The following WNT5A variants were observed in gnomAD, a reference collection of about 807,000 sequenced individuals.
WNT5A encodes the protein protein Wnt-5a.
In WNT5A, 9 loss-of-function variants were observed where a neutral mutation model predicts 42.1. The observed-to-expected ratio is 0.21, with a 90% CI of 0.13 to 0.37. The LOEUF is 0.37. WNT5A is among the 10% of genes least tolerant of loss of function. The pLI, the probability that WNT5A is intolerant of heterozygous loss-of-function variation, is 1.00. For synonymous variants in WNT5A, 210 were observed against 210.0 expected, an observed-to-expected ratio of 1.00 and a Z score of 0.00; for missense variants, 426 against 534.0, an observed-to-expected ratio of 0.80 and a Z score of 1.99.
chr3:55,486,372 C>T (rs2051578646), intron 1 of WNT5A, among the ~76,000 whole-genome samples: 1 of 152,324 alleles, frequency 6.6e-6, no homozygotes, highest in Middle Eastern at 3.4e-3. Context: ...GCTGGCCCCC[C>T]GCCAGGCACT....
upstream of WNT5A, chr3:55,494,029 CT>C (rs2051689270): frequency 6.6e-6 from 1 of 152,170 alleles, no homozygotes; most frequent in African/African-American, 2.4e-5. Context: ...ATTGCGTATT[CT>C]ATGTGGCCCG....
In WNT5A at chr3:55,468,168, A is replaced by G. The variant is rs2051180421; in HGVS notation, c.*1924T>C. ...AAAAAAAAAAAAAAGCTATCTATGTAGTGGGCTGAATATTCCTTAGGGACT... is the reference window on the plus strand; with the variant it reads ...AAAAAAAAAAAAAAGCTATCTATGTGGTGGGCTGAATATTCCTTAGGGACT... On this transcript the variant is annotated 3_prime_UTR_variant, in exon 5 of 5. Coordinates refer to ENST00000264634, the MANE Select transcript of WNT5A (RefSeq NM_003392.7). 6.7e-6 allele frequency: 1 copy of G among 149,386 alleles called. No homozygotes were observed. The highest frequency in any genetic ancestry group is 2.4e-5 in the African/African-American group (1 of 40,990). The allele number at this position is 149,386 out of a possible 1,614,324, so 9.3% of individuals were successfully genotyped here.
chr3:55,475,235 G>A (rs1195446383), intron 3 of WNT5A, among the ~76,000 whole-genome samples: 1 of 152,186 alleles, frequency 6.6e-6, no homozygotes, highest in Non-Finnish European at 1.5e-5. Flanking sequence ...CAGAATATGG[G>A]TAGACTTCCT....
chr3:55,497,114 T>G, the WNT5A span, among the ~76,000 whole-genome samples: 5 of 152,256 alleles, frequency 3.3e-5, no homozygotes, highest in Non-Finnish European at 7.3e-5. Context: ...AGATAATTAC[T>G]GAGCACTTGC....
chr3:55,504,754 G>A, the WNT5A span, among the ~76,000 whole-genome samples: 1,984 of 152,320 alleles, frequency 0.013, 46 homozygotes, highest in African/African-American at 0.045. Flanking sequence ...GTAAGCCACT[G>A]TGCCCGGCCT....
In WNT5A at chr3:55,483,004, C is replaced by G. The variant is rs547295646; in HGVS notation, c.7-2086G>C. Reference sequence around the variant, plus strand: ...GATTGGTGCTGGCCGCGTGCACTTTCCAAGCTTCGCGGCGAGCGGGGCGCG... The same window carrying G: ...GATTGGTGCTGGCCGCGTGCACTTTGCAAGCTTCGCGGCGAGCGGGGCGCG... On this transcript the variant is annotated intron_variant, in intron 1 of 4. Transcript: ENST00000264634. The surrounding 1 kb of genome is among the most constrained non-coding windows in gnomAD (Gnocchi z 4.2). Among the ~76,000 whole-genome samples, 16 of 152,372 alleles carry G rather than the reference C, an allele frequency of 1.1e-4. No homozygotes were observed. In the South Asian group the frequency reaches 2.3e-3, roughly 22 times the overall value.
the WNT5A span, among the ~76,000 whole-genome samples, chr3:55,500,109 A>G: frequency 6.6e-6 from 1 of 152,190 alleles, no homozygotes; most frequent in Non-Finnish European, 1.5e-5. Context: ...TTGGGCAAAA[A>G]TTAGATAAAA....
chr3:55,482,344 G>A (rs2051483857), intron 1 of WNT5A, among the ~76,000 whole-genome samples: 1 of 152,228 alleles, frequency 6.6e-6, no homozygotes, highest in Non-Finnish European at 1.5e-5. Context: ...GGTGCGGGTG[G>A]GAGGAGCGGG....
the WNT5A span, among the ~76,000 whole-genome samples, chr3:55,496,547 A>G: frequency 6.6e-6 from 1 of 152,222 alleles, no homozygotes; most frequent in African/African-American, 2.4e-5. Flanking sequence ...GAGTATATAC[A>G]GGAACGCGAT....
intron 1 of WNT5A, among the ~76,000 whole-genome samples, chr3:55,481,572 C>T (rs1355520253): frequency 1.3e-5 from 2 of 152,090 alleles, no homozygotes; most frequent in Non-Finnish European, 2.9e-5. Flanking sequence ...GTTTCATAAT[C>T]AGTTTACGAG....
rs772896188 is a variant in WNT5A, at chr3:55,470,346, G to C, written c.889C>G (p.Gln297Glu). ...CTGGGGTCGATGTAGACCAGGTCTT[G>C]TGTGGTGGGCGAGTTGAAGCGGCTG... ...VNSRFNSPTT[Q>E]DLVYIDPSPD... The change falls in exon 5 of 5, where the codon CAA becomes GAA. Residue 297 changes from glutamine (Q) to glutamate (E), a missense_variant. This residue lies in a region of WNT5A where 358 missense variants were observed against 468.1 expected (regional missense o/e 0.76). Coordinates refer to ENST00000264634, the MANE Select transcript of WNT5A (RefSeq NM_003392.7). 23 of 1,614,066 alleles carry C rather than the reference G, an allele frequency of 1.4e-5. No homozygotes were observed. Among genetic ancestry groups the C allele is most frequent in the Non-Finnish European group, 1.6e-5 (19 of 1,179,908 alleles).
the WNT5A span, among the ~76,000 whole-genome samples, chr3:55,497,931 G>A: frequency 0.4 from 61,055 of 151,936 alleles, 12,779 homozygotes; most frequent in Middle Eastern, 0.47. Context: ...AGCAGTGAGA[G>A]AGAATTACAT....
chr3:55,500,195 C>T, the WNT5A span, among the ~76,000 whole-genome samples: 1 of 152,094 alleles, frequency 6.6e-6, no homozygotes, highest in East Asian at 1.9e-4. Flanking sequence ...AATGTCAGCT[C>T]TTCATAGCTA....
At chr3:55,473,943 A>G (rs1288264206) in intron 4 of WNT5A, among the ~76,000 whole-genome samples, 1 of 152,176 alleles carries the variant, frequency 6.6e-6, no homozygotes, top group Non-Finnish European at 1.5e-5. Flanking sequence ...GAAGGCAAGG[A>G]AAGGTCTTTT....
At chr3:55,472,609 G>C (rs2051273988) in intron 4 of WNT5A, among the ~76,000 whole-genome samples, 1 of 152,132 alleles carries the variant, frequency 6.6e-6, no homozygotes, top group Non-Finnish European at 1.5e-5. Flanking sequence ...AGACACCATG[G>C]CAGTGAGAGG....
the WNT5A span, among the ~76,000 whole-genome samples, chr3:55,499,750 G>A: frequency 5.3e-5 from 8 of 152,256 alleles, no homozygotes; most frequent in South Asian, 1.7e-3. Context: ...AAGGCAGGCA[G>A]ATCATTTTAA....
intron 1 of WNT5A, chr3:55,481,353 C>T: frequency 1.0e-6 from 1 of 986,462 alleles, no homozygotes; most frequent in African/African-American, 1.7e-5. Flanking sequence ...ACAAGTGGAG[C>T]CAGAATTAAT....
chr3:55,493,952 C>T (rs1301200979), upstream of WNT5A: 1 of 152,176 alleles, frequency 6.6e-6, no homozygotes, highest in Non-Finnish European at 1.5e-5. Flanking sequence ...GTTGTTTGCT[C>T]CTAAGTGGCA....
chr3:55,476,846 C>G (rs1166022791), intron 3 of WNT5A, among the ~76,000 whole-genome samples: 2 of 152,176 alleles, frequency 1.3e-5, no homozygotes, highest in Non-Finnish European at 1.5e-5. Flanking sequence ...ACAAATGGTG[C>G]CTTCCTTACA....
Sources: gnomAD v4.1 joint callset for allele counts (sites outside exome capture counted in the v4.1 genomes callset) on GRCh38, gnomAD v4.1.1 for gene constraint, gnomAD v4.1.1 regional missense constraint, Gnocchi (gnomAD v3.1) non-coding constraint, MANE v1.5 for transcripts, NCBI Gene and HGNC (gene_info 2026-07-23, HGNC 2026-07-21) for gene names.